The following PLXND1 variants were observed in gnomAD, a reference collection of about 807,000 sequenced individuals.
PLXND1 encodes the protein plexin-D1.
PLXND1 carries 54 observed loss-of-function variants against 197.7 expected under a neutral mutation model. The ratio of observed to expected loss-of-function variants is 0.27; its 90% CI spans 0.22 to 0.34. PLXND1 has a LOEUF of 0.34. Among genes scored for constraint, PLXND1 ranks in the 10% least tolerant of loss-of-function variants. The probability of loss-of-function intolerance (pLI) is 1.00; values close to 1 mark genes in which losing one functional copy is unlikely to be tolerated. For missense variants in PLXND1, 2,127 were observed against 2,699.2 expected, an observed-to-expected ratio of 0.79 and a Z score of 4.70; for synonymous variants, 1,180 against 1,161.2, an observed-to-expected ratio of 1.02 and a Z score of -0.33.
At chr3:129,589,222 A>C in intron 2 of PLXND1, 129 bp downstream of exon 2, 4 of 712,128 alleles carry the variant, frequency 5.6e-6, no homozygotes, top group Non-Finnish European at 7.0e-6. Context: ...GTAAAGTGCT[A>C]GGCGAATGGG....
rs2085004462 is a variant in PLXND1, at chr3:129,558,353, C to T, written c.5445+75G>A. The T allele has an allele frequency of 5.0e-6, 7 of 1,410,798 alleles. No individual in the cohort carries two copies. Among genetic ancestry groups the T allele is most frequent in the Admixed American group, 1.8e-5 (1 of 54,168 alleles). The allele number at this position is 1,410,798 out of a possible 1,614,324, so 87.4% of individuals were successfully genotyped here. ...ATCTCTGAGCTCAGCCTCAGAGAGT[C>T]GAGGAGGCTACCCATGGTCGGCACC... On this transcript the variant is annotated intron_variant, in intron 33 of 35. Transcript: ENST00000324093. This position sits in a 1 kb window ranked among gnomAD's most constrained non-coding sequence, Gnocchi z 4.1.
In PLXND1 at chr3:129,591,431, G is replaced by C. The variant is rs114974789; in HGVS notation, c.1312-1904C>G. 9.0e-3 allele frequency: 1,368 copies of C among 152,456 alleles called. 13 individuals are homozygous for C. The highest frequency in any genetic ancestry group is 0.015 in the Non-Finnish European group (997 of 68,128). The allele number at this position is 152,456 out of a possible 1,614,324, so 9.4% of individuals were successfully genotyped here. Reference sequence around the variant, plus strand: ...GGATCACTTGAGTCCAGGAGTTCTAGGCTGTAGTGTGCTATGCTGATCGGG... The same window carrying C: ...GGATCACTTGAGTCCAGGAGTTCTACGCTGTAGTGTGCTATGCTGATCGGG... On this transcript the variant is annotated intron_variant, in intron 1 of 35. Transcript: ENST00000324093.
chr3:129,570,873 G>T lies in PLXND1; in HGVS notation c.3663C>A (p.Ser1221Arg). Reference sequence around the variant, plus strand: ...TGTCAGAGACAATCTGGATGTCGCAGCTTACTTGGCCTATCTTGACCCGGT... The same window carrying T: ...TGTCAGAGACAATCTGGATGTCGCATCTTACTTGGCCTATCTTGACCCGGT... ...HEYRVKIGQV[S>R]CDIQIVSDRI... Residue 1221 changes from serine (S) to arginine (R), a missense_variant, in exon 19 of 36, where the codon AGC becomes AGA. Physicochemically the swap from Ser to Arg is moderately radical, Grantham distance 110 (BLOSUM62 -1). Around this residue, in one of 6 missense-constraint regions of PLXND1, gnomAD observed 532 missense variants for 811.0 expected, o/e 0.66. Transcript: ENST00000324093. The T allele has an allele frequency of 6.2e-7, 1 of 1,614,190 alleles. No homozygotes were observed. Among genetic ancestry groups the T allele is most frequent in the Non-Finnish European group, 8.5e-7 (1 of 1,179,982 alleles).
intron 8 of PLXND1, among the ~76,000 whole-genome samples, chr3:129,581,315 G>A (rs1254235447): frequency 6.6e-6 from 1 of 152,184 alleles, no homozygotes; most frequent in East Asian, 1.9e-4. Context: ...TCTCAGACAG[G>A]CTTCCTCTGT....
At chr3:129,559,165 T>G in intron 32 of PLXND1, 1 of 156,772 alleles carries the variant, frequency 6.4e-6, no homozygotes, top group Non-Finnish European at 1.4e-5. Flanking sequence ...CTTGTGGGGG[T>G]GCATGACCCC....
chr3:129,571,003 G>A (rs376799276), intron 18 of PLXND1, 37 bp downstream of exon 18: 24 of 1,612,658 alleles, frequency 1.5e-5, no homozygotes, highest in African/African-American at 2.7e-5. Flanking sequence ...AGGCTGGCTC[G>A]CTTGCCCCCG....
At chr3:129,572,277 G>A (rs568905199) in intron 15 of PLXND1, among the ~76,000 whole-genome samples, 6 of 152,248 alleles carry the variant, frequency 3.9e-5, no homozygotes, top group African/African-American at 1.2e-4. Context: ...AAGGTGTTTC[G>A]CCAACAGACT....
chr3:129,576,131 C>T (rs530711768), intron 9 of PLXND1, among the ~76,000 whole-genome samples: 1 of 152,354 alleles, frequency 6.6e-6, no homozygotes, highest in East Asian at 1.9e-4. Flanking sequence ...TGATCTAACC[C>T]AGGGGCCTTG....
At chr3:129,565,655 G>T in intron 24 of PLXND1, 117 bp from the exon 25 acceptor site, 2 of 952,384 alleles carry the variant, frequency 2.1e-6, no homozygotes, top group South Asian at 3.1e-5. Context: ...TGTGTGGGTG[G>T]GTCCTGCGAG....
rs71333624 is a variant in PLXND1 at position 129,557,425 on chromosome 3, C to T, written c.5446-202G>A. Reference sequence around the variant, plus strand: ...GCTCCTCACTGTGCTCTGTCTGCCCCGCCTACTTTCCCCAGGACTGTTAGG... The same window carrying T: ...GCTCCTCACTGTGCTCTGTCTGCCCTGCCTACTTTCCCCAGGACTGTTAGG... On this transcript the variant is annotated intron_variant, in intron 33 of 35. Transcript: ENST00000324093. This position sits in a 1 kb window ranked among gnomAD's most constrained non-coding sequence, Gnocchi z 4.8. Among the ~76,000 whole-genome samples the T allele has an allele frequency of 0.036, 5,475 of 152,248 alleles. 155 individuals are homozygous for T. The highest frequency in any genetic ancestry group is 0.054 in the Non-Finnish European group (3,676 of 68,020).
intron 10 of PLXND1, 101 bp from the exon 11 acceptor site, chr3:129,575,663 TG>T: frequency 8.2e-7 from 1 of 1,218,300 alleles, no homozygotes; most frequent in Non-Finnish European, 1.2e-6. Flanking sequence ...CTGCTGGGGA[TG>T]GGGGAACCAG....
At position 129,572,856 on chromosome 3, in the gene PLXND1, G is replaced by A. The variant is rs766477772; in HGVS notation, c.2923C>T (p.Arg975Cys). ...NASKEGKSRD[R>C]FSYVLPLVHS... The stretch of plus-strand genomic sequence containing the variant: ...CCCCCCCTTACCACGTAGGAGAAGC[G>A]GTCCCGGGACTTGCCCTCCTTAGAG... Residue 975 changes from arginine (R) to cysteine (C), a missense_variant, in exon 14 of 36, where the codon CGC becomes TGC. Arg to Cys is a radical substitution (Grantham distance 180). Transcript: ENST00000324093. 9.9e-6 allele frequency: 16 copies of A among 1,613,586 alleles called. No homozygotes were observed. The highest frequency in any genetic ancestry group is 2.2e-5 in the East Asian group (1 of 44,902).
intron 8 of PLXND1, among the ~76,000 whole-genome samples, chr3:129,579,146 G>A (rs2085353866): frequency 6.6e-6 from 1 of 151,858 alleles, no homozygotes; most frequent in Admixed American, 6.6e-5. Flanking sequence ...CTGCTTCATG[G>A]AACGAAAGAA....
At position 129,584,478 on chromosome 3, in the gene PLXND1, C is replaced by A. The variant is rs2085431914; in HGVS notation, c.1936G>T (p.Val646Leu). 6.2e-7 allele frequency: 1 copy of A among 1,613,922 alleles called. No individual in the cohort carries two copies. The highest frequency in any genetic ancestry group is 1.3e-5 in the African/African-American group (1 of 74,938). Residue 646 changes from valine to leucine, a missense_variant, in exon 6 of 36, where the codon GTG becomes TTG. By Grantham distance (32) the Val-to-Leu change is conservative (BLOSUM62 1). Coordinates refer to ENST00000324093, the MANE Select transcript of PLXND1 (RefSeq NM_015103.3). ...ACDYGNNIRT[V>L]ARVPGPAFGH... ...AAGGCAGGGCCTGGGACCCGAGCCA[C>A]AGTGCGGATGTTGTTCCCATAGTCA...
Position 129,586,096 on chromosome 3 carries a change from C to G in PLXND1, c.1722-15G>C, listed in dbSNP as rs755545530. Reference sequence around the variant, plus strand: ...GCAAGGTGCACCTGGGGTGGCACCGCAGGGTCAGGACCCAGGTCAGCTCCT... The same window carrying G: ...GCAAGGTGCACCTGGGGTGGCACCGGAGGGTCAGGACCCAGGTCAGCTCCT... On this transcript the variant is annotated splice_polypyrimidine_tract_variant and intron_variant, in intron 4 of 35. Coordinates refer to ENST00000324093, the MANE Select transcript of PLXND1 (RefSeq NM_015103.3). 3.1e-6 allele frequency: 5 copies of G among 1,613,646 alleles called. No homozygotes were observed. Among genetic ancestry groups the G allele is most frequent in the Middle Eastern group, 1.6e-4 (1 of 6,084 alleles).
At chr3:129,599,684 C>T (rs1412468785) in intron 1 of PLXND1, among the ~76,000 whole-genome samples, 1 of 152,224 alleles carries the variant, frequency 6.6e-6, no homozygotes, top group Non-Finnish European at 1.5e-5. Flanking sequence ...CTGGGTCAGC[C>T]CCCATCCCCC....
At chr3:129,594,646 A>G (rs2811449) in intron 1 of PLXND1, among the ~76,000 whole-genome samples, 149,425 of 152,240 alleles carry the variant, frequency 0.98, 73,402 homozygotes, top group East Asian at 1. Context: ...TTAATGCAAC[A>G]TGGGCTCCTG....
chr3:129,567,367 G>A (rs927807225), intron 22 of PLXND1, 125 bp downstream of exon 22: 10 of 647,370 alleles, frequency 1.5e-5, no homozygotes, highest in African/African-American at 9.0e-5. Context: ...TGGCCAGGAC[G>A]GCTGCGGACA....
At chr3:129,563,739 C>T (rs2085097507) in intron 25 of PLXND1, among the ~76,000 whole-genome samples, 1 of 152,344 alleles carries the variant, frequency 6.6e-6, no homozygotes, top group Admixed American at 6.5e-5. Context: ...CCTGCTCTTG[C>T]CCATCTCCAA....
Sources: gnomAD v4.1 joint callset for allele counts (sites outside exome capture counted in the v4.1 genomes callset) on GRCh38, gnomAD v4.1.1 for gene constraint, gnomAD v4.1.1 regional missense constraint, Gnocchi (gnomAD v3.1) non-coding constraint, MANE v1.5 for transcripts, NCBI Gene and HGNC (gene_info 2026-07-23, HGNC 2026-07-21) for gene names.